ACOX2: variants seen among roughly 807,000 people sequenced by gnomAD.
ACOX2 encodes the protein acyl-CoA oxidase 2.
ACOX2 carries 59 observed loss-of-function variants against 77.5 expected under a neutral mutation model. The ratio of observed to expected loss-of-function variants is 0.76; its 90% CI spans 0.62 to 0.95. ACOX2 has a LOEUF of 0.95. Among genes scored for constraint, ACOX2 ranks in the 40% least tolerant of loss-of-function variants. ACOX2 has a pLI of 0.00. For missense variants in ACOX2, 837 were observed against 880.4 expected, an observed-to-expected ratio of 0.95 and a Z score of 0.62; for synonymous variants, 317 against 340.1, an observed-to-expected ratio of 0.93 and a Z score of 0.75.
intron 14 of ACOX2, among the ~76,000 whole-genome samples, chr3:58,506,426 A>G (rs979714436): frequency 1.2e-4 from 18 of 152,236 alleles, no homozygotes; most frequent in Non-Finnish European, 1.5e-4. Context: ...TTTTGGTAGA[A>G]AAATGTCAGT....
chr3:58,513,861 A>G (rs568521316), intron 13 of ACOX2, among the ~76,000 whole-genome samples: 1 of 152,270 alleles, frequency 6.6e-6, no homozygotes, highest in South Asian at 2.1e-4. Flanking sequence ...TGGGTGGACC[A>G]TTGGGGGACT....
rs745872186 is a variant in ACOX2, at chr3:58,508,974, T to G, written c.1902A>C (p.Leu634Phe). The change falls in exon 14 of 15, where the codon TTA (leucine) becomes TTC (phenylalanine). Residue 634 changes from leucine to phenylalanine, a missense_variant. Coordinates refer to ENST00000302819, the MANE Select transcript of ACOX2 (RefSeq NM_003500.4). ...CATCATAACAGCCAAGTGCTGAATT[T>G]AAACACTGATCGGTGAAGTCAAAAG... ...TDAFDFTDQC[L>F]NSALGCYDGN... 3.1e-6 allele frequency: 5 copies of G among 1,614,210 alleles called. No individual in the cohort carries two copies.
rs1560207452 is a variant in ACOX2 at position 58,505,821 on chromosome 3, T to C, written c.1984-535A>G. ...GACTGTTTTTTTTTGGAGACAGTATTGCTCTGTTGCCCAGGCTGGAGTGCA... is the reference window on the plus strand; with the variant it reads ...GACTGTTTTTTTTTGGAGACAGTATCGCTCTGTTGCCCAGGCTGGAGTGCA... On this transcript the variant is annotated intron_variant, in intron 14 of 14. Transcript: ENST00000302819. The surrounding 1 kb of genome is among the most constrained non-coding windows in gnomAD (Gnocchi z 4.4). Among the ~76,000 whole-genome samples, 1 of 152,086 alleles carries C rather than the reference T, an allele frequency of 6.6e-6. No homozygotes were observed. Among genetic ancestry groups the C allele is most frequent in the Non-Finnish European group, 1.5e-5 (1 of 68,018 alleles).
chr3:58,530,340 G>T, intron 8 of ACOX2, 126 bp downstream of exon 8: 1 of 1,331,976 alleles, frequency 7.5e-7, no homozygotes. Flanking sequence ...TTGTGTGTGT[G>T]TATGTGGTGG....
rs528726572 is a variant in ACOX2, at chr3:58,514,582, T to C, written c.1850+2624A>G. On this transcript the variant is annotated intron_variant, in intron 13 of 14. Coordinates refer to ENST00000302819, the MANE Select transcript of ACOX2 (RefSeq NM_003500.4). The surrounding 1 kb of genome is among the most constrained non-coding windows in gnomAD (Gnocchi z 4.3). ...ACACCAAACAGTGATATGCATAGAA[T>C]CTGTTATGTGCCTAATTACCCTGCA... Among the ~76,000 whole-genome samples the C allele has an allele frequency of 4.3e-4, 65 of 152,310 alleles. No individual in the cohort carries two copies. Among genetic ancestry groups the C allele is most frequent in the African/African-American group, 1.5e-3 (64 of 41,570 alleles).
At position 58,512,061 on chromosome 3, in the gene ACOX2, C is replaced by A. The variant is rs1366355268; in HGVS notation, c.1851-3036G>T. Among the ~76,000 whole-genome samples, 1 of 152,168 alleles carries A rather than the reference C, an allele frequency of 6.6e-6. No individual in the cohort carries two copies. Among genetic ancestry groups the A allele is most frequent in the Non-Finnish European group, 1.5e-5 (1 of 68,048 alleles). ...ACTTCCAAACTTATCCCTCCAGTGT[C>A]CCCTGCTTACCAACATCTGTACTTG... is the stretch of plus-strand genomic sequence containing the variant. On this transcript the variant is annotated intron_variant, in intron 13 of 14. Transcript: ENST00000302819. The surrounding 1 kb of genome is among the most constrained non-coding windows in gnomAD (Gnocchi z 4.8).
chr3:58,515,900 C>A lies in ACOX2; in HGVS notation c.1850+1306G>T, dbSNP rs2063318967. Among the ~76,000 whole-genome samples the A allele has an allele frequency of 6.6e-6, 1 of 152,040 alleles. No individual in the cohort carries two copies. Among genetic ancestry groups the A allele is most frequent in the Non-Finnish European group, 1.5e-5 (1 of 68,018 alleles). ...TCAATCAATCCTCCTACCTCAGCCT[C>A]CCGAGTAGCTGAGACTACAGGTGTG... is the stretch of plus-strand genomic sequence containing the variant. On this transcript the variant is annotated intron_variant, in intron 13 of 14. Coordinates refer to ENST00000302819, the MANE Select transcript of ACOX2 (RefSeq NM_003500.4). The surrounding 1 kb of genome is among the most constrained non-coding windows in gnomAD (Gnocchi z 4.0).
chr3:58,506,869 CT>C (rs1465811500), intron 14 of ACOX2, among the ~76,000 whole-genome samples: 2 of 152,160 alleles, frequency 1.3e-5, no homozygotes, highest in Non-Finnish European at 2.9e-5. Context: ...GAAAATGTCT[CT>C]TATTGCAGCT....
rs369470572 is a variant in ACOX2, at chr3:58,510,426, A to C, written c.1851-1401T>G. On this transcript the variant is annotated intron_variant, in intron 13 of 14. Transcript: ENST00000302819. ...GGCAGATGGATCAGCTGAGGTCAGGAGTTCGAGACCAGCCTGGCCAACATG... is the reference window on the plus strand; with the variant it reads ...GGCAGATGGATCAGCTGAGGTCAGGCGTTCGAGACCAGCCTGGCCAACATG... 2.1e-4 allele frequency among the ~76,000 whole-genome samples: 32 copies of C among 151,696 alleles called. No individual in the cohort carries two copies. In the East Asian group the frequency reaches 3.7e-3, roughly 17 times the overall value.
rs2063367322 is a variant in ACOX2 at position 58,522,689 on chromosome 3, T to A, written c.1527-88A>T. 1 of 1,147,784 alleles carries A rather than the reference T, an allele frequency of 8.7e-7. No homozygotes were observed. The highest frequency in any genetic ancestry group is 1.5e-5 in the African/African-American group (1 of 65,558). The allele number at this position is 1,147,784 out of a possible 1,614,324, so 71.1% of individuals were successfully genotyped here. On this transcript the variant is annotated intron_variant, in intron 11 of 14. Coordinates refer to ENST00000302819, the MANE Select transcript of ACOX2 (RefSeq NM_003500.4). This position sits in a 1 kb window ranked among gnomAD's most constrained non-coding sequence, Gnocchi z 4.3. The stretch of plus-strand genomic sequence containing the variant: ...TCCTGTGGTCCCTCAGAAGTAGAAA[T>A]AATGCCTGTTTATTGACCACTTATG...
Position 58,530,561 on chromosome 3 carries a change from C to G in ACOX2, c.897G>C (p.Glu299Asp). The G allele has an allele frequency of 6.2e-7, 1 of 1,614,248 alleles. No individual in the cohort carries two copies. The highest frequency in any genetic ancestry group is 2.2e-5 in the East Asian group (1 of 44,880). ...TAGGGAGGATCTCCCCTGACAGCAG[C>G]TCCACCCGCACCACCACCATGGGAA... ...NYLPMVVVRV[E>D]LLSGEILPIL... is the part of the protein sequence containing the mutation. The change falls in exon 8 of 15, where the codon GAG becomes GAC. Residue 299 changes from glutamate to aspartate, a missense_variant. Physicochemically the swap from Glu to Asp is conservative, Grantham distance 45. Transcript: ENST00000302819.
At position 58,505,560 on chromosome 3, in the gene ACOX2, A is replaced by C. The variant is rs1158151620; in HGVS notation, c.1984-274T>G. ...TTGCTTTTGGAATTTCATACAAATA[A>C]AAGGCTTGACTCTTTGAGGCTCTCT... is the stretch of plus-strand genomic sequence containing the variant. On this transcript the variant is annotated intron_variant, in intron 14 of 14. Transcript: ENST00000302819. The surrounding 1 kb of genome is among the most constrained non-coding windows in gnomAD (Gnocchi z 4.4). 6.6e-6 allele frequency among the ~76,000 whole-genome samples: 1 copy of C among 152,184 alleles called. No individual in the cohort carries two copies. Among genetic ancestry groups the C allele is most frequent in the Non-Finnish European group, 1.5e-5 (1 of 68,048 alleles).
rs777691167 is a variant in ACOX2 at position 58,522,618 on chromosome 3, A to T, written c.1527-17T>A. The T allele has an allele frequency of 6.2e-7, 1 of 1,612,728 alleles. No individual in the cohort carries two copies. The highest frequency in any genetic ancestry group is 2.2e-5 in the East Asian group (1 of 44,888). ...TTTATGAGCCTGAAAGCCAAAGCAA[A>T]AAAGGTTCAGCTTCCTGACTGAGTG... On this transcript the variant is annotated splice_polypyrimidine_tract_variant and intron_variant, in intron 11 of 14. Transcript: ENST00000302819. The surrounding 1 kb of genome is among the most constrained non-coding windows in gnomAD (Gnocchi z 4.3).
rs546264957 is a variant in ACOX2, at chr3:58,534,721, C to A, written c.161-199G>T. The A allele has an allele frequency of 2.2e-6, 3 of 1,388,848 alleles. No homozygotes were observed. The highest frequency in any genetic ancestry group is 3.0e-6 in the Non-Finnish European group (3 of 1,009,580). 86.0% of individuals were successfully genotyped at this position (1,388,848 alleles called of 1,614,324 possible). On this transcript the variant is annotated intron_variant, in intron 2 of 14. Coordinates refer to ENST00000302819, the MANE Select transcript of ACOX2 (RefSeq NM_003500.4). The surrounding 1 kb of genome is among the most constrained non-coding windows in gnomAD (Gnocchi z 4.8). Reference sequence around the variant, plus strand: ...GCTATGCAGTGGCAGAATTTTAGGACCAGAATCCAGGTCTTCTGCTGCCTA... The same window carrying A: ...GCTATGCAGTGGCAGAATTTTAGGAACAGAATCCAGGTCTTCTGCTGCCTA...
Position 58,524,937 on chromosome 3 carries a change from T to G in ACOX2, c.1347-332A>C, listed in dbSNP as rs112467221. 0.011 allele frequency among the ~76,000 whole-genome samples: 1,654 copies of G among 152,232 alleles called. 18 individuals are homozygous for G. Among genetic ancestry groups the G allele is most frequent in the Admixed American group, 0.021 (325 of 15,298 alleles). ...TATAATGACTTGTACAGTGACTGGG[T>G]GGAAATTAAATTTTCTTAGCTGAAA... On this transcript the variant is annotated intron_variant, in intron 10 of 14. Coordinates refer to ENST00000302819, the MANE Select transcript of ACOX2 (RefSeq NM_003500.4). The surrounding 1 kb of genome is among the most constrained non-coding windows in gnomAD (Gnocchi z 5.5).
At chr3:58,532,825 C>T (rs2063450730) in intron 5 of ACOX2, among the ~76,000 whole-genome samples, 1 of 152,202 alleles carries the variant, frequency 6.6e-6, no homozygotes, top group African/African-American at 2.4e-5. Flanking sequence ...TCCCCAAGTG[C>T]CACAGATGTG....
intron 12 of ACOX2, 35 bp from the exon 13 acceptor site, chr3:58,517,458 T>C (rs771923853): frequency 1.2e-6 from 2 of 1,601,496 alleles, no homozygotes; most frequent in Non-Finnish European, 1.7e-6. Flanking sequence ...TCCTGATTTC[T>C]GGTTTTCTAC....
chr3:58,533,669 TC>T lies in ACOX2; in HGVS notation c.476-118del. 1.1e-6 allele frequency: 1 copy of T among 897,472 alleles called. No individual in the cohort carries two copies. Among genetic ancestry groups the T allele is most frequent in the Non-Finnish European group, 1.8e-6 (1 of 567,796 alleles). 55.6% of individuals were successfully genotyped at this position (897,472 alleles called of 1,614,324 possible). A position where few individuals can be genotyped will look rare whatever the true frequency, so the allele number is the denominator to read the frequency against. On this transcript the variant is annotated intron_variant, in intron 4 of 14. Transcript: ENST00000302819. The surrounding 1 kb of genome is among the most constrained non-coding windows in gnomAD (Gnocchi z 5.6). ...AGCGCAGTATGGAGTGGGGCCCAGC[TC>T]CCAGCTGTACTTGCAGGCAGTTCTC... is the stretch of plus-strand genomic sequence containing the variant.
chr3:58,513,668 T>G (rs2063302893), intron 13 of ACOX2, among the ~76,000 whole-genome samples: 1 of 152,194 alleles, frequency 6.6e-6, no homozygotes, highest in Non-Finnish European at 1.5e-5. Context: ...CCCTGTGGAT[T>G]CTCTTATGTC....
Sources: allele counts gnomAD v4.1 joint callset (sites outside exome capture counted in the v4.1 genomes callset), GRCh38; gene constraint gnomAD v4.1.1; non-coding constraint Gnocchi (gnomAD v3.1); transcripts MANE v1.5; gene names NCBI Gene and HGNC (gene_info 2026-07-23, HGNC 2026-07-21).